CAMK2D: variants seen among roughly 807,000 people sequenced by gnomAD.
The protein encoded by CAMK2D is calcium/calmodulin dependent protein kinase II delta.
CAMK2D carries 37 observed loss-of-function variants against 84.0 expected under a neutral mutation model. The ratio of observed to expected loss-of-function variants is 0.44; its 90% CI spans 0.34 to 0.58. The LOEUF (loss-of-function observed/expected upper bound fraction) is 0.58. CAMK2D is among the 20% of genes least tolerant of loss of function. The probability of loss-of-function intolerance (pLI) is 0.02; values close to 1 mark genes in which losing one functional copy is unlikely to be tolerated. For synonymous variants in CAMK2D, 202 were observed against 212.5 expected, an observed-to-expected ratio of 0.95 and a Z score of 0.43; for missense variants, 448 against 652.5, an observed-to-expected ratio of 0.69 and a Z score of 3.41.
chr4:113,660,759 C>CT, intron 3 of CAMK2D, among the ~76,000 whole-genome samples: 1 of 150,228 alleles, frequency 6.7e-6, no homozygotes, highest in East Asian at 2.0e-4. Context: ...TAAATCCTGT[C>CT]TTTCCATACT....
intron 20 of CAMK2D, among the ~76,000 whole-genome samples, chr4:113,454,984 A>G (rs2154098868): frequency 6.6e-6 from 1 of 152,348 alleles, no homozygotes; most frequent in Non-Finnish European, 1.5e-5. Flanking sequence ...TAGAGAGAAC[A>G]TGATTACTCT....
chr4:113,484,661 A>G (rs1267676720), intron 16 of CAMK2D, among the ~76,000 whole-genome samples: 1 of 152,212 alleles, frequency 6.6e-6, no homozygotes. Flanking sequence ...AAACTGACAA[A>G]TAACATGCTG....
chr4:113,675,443 A>C (rs567443903), intron 2 of CAMK2D, among the ~76,000 whole-genome samples: 1 of 152,360 alleles, frequency 6.6e-6, no homozygotes, highest in African/African-American at 2.4e-5. Flanking sequence ...ATGGAGAATG[A>C]TAAAAGTTTA....
intron 13 of CAMK2D, among the ~76,000 whole-genome samples, chr4:113,508,078 A>C (rs2098155483): frequency 6.6e-6 from 1 of 152,206 alleles, no homozygotes; most frequent in Non-Finnish European, 1.5e-5. Flanking sequence ...AAAACAATGT[A>C]ATATGTAAGA....
chr4:113,581,529 A>AAAAAAAAAAAAAAG (rs373642282), intron 4 of CAMK2D, among the ~76,000 whole-genome samples: 32 of 121,844 alleles, frequency 2.6e-4, no homozygotes, highest in African/African-American at 1.0e-3. Flanking sequence ...AAAAAAAAAA[A>AAAAAAAAAAAAAAG]AAAAGAAAAG....
intron 2 of CAMK2D, chr4:113,754,670 G>A: frequency 1.0e-6 from 1 of 969,822 alleles, no homozygotes; most frequent in Non-Finnish European, 1.2e-6. Flanking sequence ...TTTCCTGGAA[G>A]TGTGGATATA....
chr4:113,658,185 A>C (rs1325379999), intron 3 of CAMK2D, among the ~76,000 whole-genome samples: 1 of 152,148 alleles, frequency 6.6e-6, no homozygotes, highest in Non-Finnish European at 1.5e-5. Flanking sequence ...GTTGCTTACT[A>C]TTTTATGACA....
chr4:113,462,326 G>A (rs58289322), intron 17 of CAMK2D, among the ~76,000 whole-genome samples: 42,009 of 130,528 alleles, frequency 0.32, 6,766 homozygotes, highest in Non-Finnish European at 0.36. Context: ...CTGTCTGTCT[G>A]TCTGTCTGTC....
chr4:113,451,812 T>G lies in CAMK2D; in HGVS notation c.*2733A>C, dbSNP rs1023097891. 1.3e-5 allele frequency: 2 copies of G among 152,194 alleles called. No homozygotes were observed. Among genetic ancestry groups the G allele is most frequent in the African/African-American group, 4.8e-5 (2 of 41,432 alleles). The allele number at this position is 152,194 out of a possible 1,614,324, so 9.4% of individuals were successfully genotyped here. On this transcript the variant is annotated 3_prime_UTR_variant, in exon 21 of 21. Transcript: ENST00000511664. ...CAGGAGAGGTAAATACAATCTATTA[T>G]GTAGGTTTTGAGAGGGAAGGCAAGC...
At position 113,761,077 on chromosome 4, in the gene CAMK2D, C is replaced by A. The variant is rs775198013; in HGVS notation, c.-9G>T. 5.0e-6 allele frequency: 8 copies of A among 1,613,960 alleles called. No individual in the cohort carries two copies. In the African/African-American group the frequency reaches 9.3e-5, roughly 19 times the overall value. On this transcript the variant is annotated 5_prime_UTR_variant, in exon 1 of 21. Coordinates refer to ENST00000511664, the MANE Select transcript of CAMK2D (RefSeq NM_001321571.2). ...GTTGTGGTCGAAGCCATCCTCGGTC[C>A]GGGCTGTGCCCTGGCTGGGAGCGCG...
chr4:113,474,323 A>G (rs2097578709), intron 16 of CAMK2D, among the ~76,000 whole-genome samples: 1 of 152,192 alleles, frequency 6.6e-6, no homozygotes, highest in Non-Finnish European at 1.5e-5. Flanking sequence ...AAGTTTACAC[A>G]TTTGCATGAT....
chr4:113,638,391 C>T (rs922020174), intron 3 of CAMK2D, among the ~76,000 whole-genome samples: 2 of 151,940 alleles, frequency 1.3e-5, no homozygotes, highest in African/African-American at 2.4e-5. Flanking sequence ...TATGAGCCTG[C>T]GAACAATGAG....
chr4:113,666,193 A>G (rs2154318323), intron 2 of CAMK2D, among the ~76,000 whole-genome samples: 1 of 152,356 alleles, frequency 6.6e-6, no homozygotes, highest in East Asian at 1.9e-4. Flanking sequence ...ACATAAAGCA[A>G]CAATATATCT....
At chr4:113,614,065 T>C (rs1284450419) in intron 3 of CAMK2D, among the ~76,000 whole-genome samples, 2 of 152,080 alleles carry the variant, frequency 1.3e-5, no homozygotes, top group Non-Finnish European at 2.9e-5. Context: ...AATATATTAT[T>C]TTATTGAGAC....
rs144449200 is a variant in CAMK2D at position 113,481,454 on chromosome 4, G to T, written c.1136-15850C>A. The stretch of plus-strand genomic sequence containing the variant: ...AAAGTAAAACAGGAGAATGGGGAGT[G>T]CTGGATTTGGAGGGATGTAAATTTT... On this transcript the variant is annotated intron_variant, in intron 16 of 20. Transcript: ENST00000511664. Among the ~76,000 whole-genome samples, 388 of 152,208 alleles carry T rather than the reference G, an allele frequency of 2.5e-3. 1 individual carries two copies. The highest frequency in any genetic ancestry group is 4.6e-3 in the Non-Finnish European group (313 of 67,998).
chr4:113,679,406 T>C (rs2099331282), intron 2 of CAMK2D: 3 of 946,350 alleles, frequency 3.2e-6, no homozygotes, highest in Admixed American at 1.2e-4. Context: ...TACTTGCCTC[T>C]CCCCAGCCAT....
chr4:113,500,470 A>G lies in CAMK2D; in HGVS notation c.1128T>C (p.Asp376=). The change falls in exon 16 of 21, where the codon GAT becomes GAC. Residue 376 remains aspartate (D), a synonymous_variant. Transcript: ENST00000511664. ...ESSNTTIEDE[D]VKARKQEIIK... ...TTTCTGGTTAAATCATACCTTTCAC[A>G]TCTTCATCCTCAATTGTTGTATTTG... is the stretch of plus-strand genomic sequence containing the variant. The G allele has an allele frequency of 6.3e-7, 1 of 1,593,638 alleles. No individual in the cohort carries two copies. Among genetic ancestry groups the G allele is most frequent in the Non-Finnish European group, 8.6e-7 (1 of 1,164,290 alleles).
intron 2 of CAMK2D, among the ~76,000 whole-genome samples, chr4:113,673,464 G>C (rs904601252): frequency 6.6e-6 from 1 of 152,202 alleles, no homozygotes; most frequent in African/African-American, 2.4e-5. Flanking sequence ...TCCCAAAAGT[G>C]GGGTGTAAAG....
intron 4 of CAMK2D, among the ~76,000 whole-genome samples, chr4:113,561,621 G>A (rs2098699092): frequency 6.6e-6 from 1 of 152,086 alleles, no homozygotes. Context: ...TCTGAATAAA[G>A]GCTTAAGTCA....
Sources: allele counts gnomAD v4.1 joint callset (sites outside exome capture counted in the v4.1 genomes callset), GRCh38; gene constraint gnomAD v4.1.1; transcripts MANE v1.5; gene names NCBI Gene and HGNC (gene_info 2026-07-23, HGNC 2026-07-21).